DLG2: variants seen among roughly 807,000 people sequenced by gnomAD.
The protein encoded by DLG2 is disks large homolog 2.
In DLG2, 45 loss-of-function variants were observed where a neutral mutation model predicts 132.5. The ratio of observed to expected loss-of-function variants is 0.34; its 90% confidence interval spans 0.27 to 0.44. The LOEUF (loss-of-function observed/expected upper bound fraction) is 0.44, where lower values mean the gene tolerates loss of function less well. DLG2 is among the 20% of genes least tolerant of loss of function. The pLI is 1.00. For missense variants in DLG2, 1,045 were observed against 1,196.9 expected (o/e 0.87, Z 1.87); for synonymous variants, 424 against 419.6 (o/e 1.01, Z -0.13).
intron 21 of DLG2, among the ~76,000 whole-genome samples, chr11:83,526,703 A>T (rs948229119): frequency 6.6e-6 from 1 of 152,200 alleles, no homozygotes; most frequent in Non-Finnish European, 1.5e-5. Context: ...CTAACTTTCC[A>T]GTTCTGATTC....
chr11:85,369,878 A>T (rs997049614), intron 3 of DLG2, among the ~76,000 whole-genome samples: 1 of 152,224 alleles, frequency 6.6e-6, no homozygotes, highest in South Asian at 2.1e-4. Flanking sequence ...AGTATTTTTT[A>T]AAAAGGGAAG....
At chr11:84,018,079 T>A (rs913748780) in intron 11 of DLG2, among the ~76,000 whole-genome samples, 1 of 152,020 alleles carries the variant, frequency 6.6e-6, no homozygotes, top group African/African-American at 2.4e-5. Context: ...ATCTGTATGT[T>A]AACGTTTTTG....
intron 6 of DLG2, among the ~76,000 whole-genome samples, chr11:84,725,919 G>A (rs768132973): frequency 1.3e-5 from 2 of 151,694 alleles, no homozygotes; most frequent in Non-Finnish European, 2.9e-5. Flanking sequence ...TCTTTATACT[G>A]AACAATTCTA....
chr11:84,708,383 A>C (rs2060000118), intron 6 of DLG2, among the ~76,000 whole-genome samples: 1 of 151,924 alleles, frequency 6.6e-6, no homozygotes, highest in Admixed American at 6.6e-5. Context: ...TAAGTTCTGT[A>C]CACAGCAAGC....
At chr11:83,719,218 T>C (rs1047671126) in intron 18 of DLG2, among the ~76,000 whole-genome samples, 7 of 152,090 alleles carry the variant, frequency 4.6e-5, no homozygotes, top group Non-Finnish European at 7.4e-5. Context: ...ATGGATGCAG[T>C]GTTAGAGGAC....
At chr11:84,526,101 T>C (rs2099319797) in intron 7 of DLG2, among the ~76,000 whole-genome samples, 1 of 152,180 alleles carries the variant, frequency 6.6e-6, no homozygotes, top group Non-Finnish European at 1.5e-5. Flanking sequence ...AACCAAAATA[T>C]AATTTTATAT....
chr11:84,751,046 T>C (rs1333046463), intron 6 of DLG2, among the ~76,000 whole-genome samples: 2 of 152,032 alleles, frequency 1.3e-5, no homozygotes, highest in African/African-American at 2.4e-5. Context: ...AAAAAAAGAA[T>C]GGAGTAGATA....
intron 10 of DLG2, among the ~76,000 whole-genome samples, chr11:84,070,855 T>G (rs2096745788): frequency 6.6e-6 from 1 of 152,210 alleles, no homozygotes; most frequent in South Asian, 2.1e-4. Flanking sequence ...CAACCCAGCC[T>G]GGCACCTATC....
intron 6 of DLG2, among the ~76,000 whole-genome samples, chr11:84,649,496 C>A (rs1336649354): frequency 6.6e-6 from 1 of 152,014 alleles, no homozygotes; most frequent in East Asian, 1.9e-4. Context: ...ACAAAGAAAC[C>A]CAAAGGTTTG....
chr11:85,341,095 G>A (rs1235668913), intron 3 of DLG2, among the ~76,000 whole-genome samples: 1 of 133,610 alleles, frequency 7.5e-6, no homozygotes, highest in African/African-American at 2.8e-5. Context: ...AAATTTTGTG[G>A]CTTTTTCTTG....
chr11:85,122,657 T>A (rs1202110387), intron 5 of DLG2, among the ~76,000 whole-genome samples: 1 of 151,978 alleles, frequency 6.6e-6, no homozygotes, highest in Non-Finnish European at 1.5e-5. Context: ...CAGATTCTGA[T>A]TCAGTAGTTT....
intron 7 of DLG2, among the ~76,000 whole-genome samples, chr11:84,419,155 A>G (rs1246819589): frequency 2.0e-5 from 3 of 149,038 alleles, no homozygotes; most frequent in African/African-American, 7.8e-5. Context: ...GAGGGGAGGA[A>G]TAGGGAGACA....
intron 7 of DLG2, among the ~76,000 whole-genome samples, chr11:84,365,887 C>T (rs2154425665): frequency 6.6e-6 from 1 of 152,160 alleles, no homozygotes; most frequent in East Asian, 1.9e-4. Flanking sequence ...GGAAAACACT[C>T]TGCAGGATAT....
At chr11:84,417,760 GT>G (rs936699889) in intron 7 of DLG2, among the ~76,000 whole-genome samples, 59 of 151,966 alleles carry the variant, frequency 3.9e-4, no homozygotes, top group African/African-American at 6.0e-4. Context: ...ATGAAGACGT[GT>G]TTTTTTTCCC....
At chr11:84,537,180 C>T (rs1457104406) in intron 6 of DLG2, among the ~76,000 whole-genome samples, 1 of 152,126 alleles carries the variant, frequency 6.6e-6, no homozygotes, top group Admixed American at 6.5e-5. Context: ...GATCTCAGCT[C>T]ACTGCAACCT....
intron 7 of DLG2, among the ~76,000 whole-genome samples, chr11:84,424,469 C>A (rs1382655624): frequency 6.6e-6 from 1 of 151,884 alleles, no homozygotes; most frequent in Non-Finnish European, 1.5e-5. Context: ...TTAGGTAATA[C>A]CTGTTATTCA....
At chr11:83,542,845 A>T (rs2096120548) in intron 19 of DLG2, among the ~76,000 whole-genome samples, 1 of 152,174 alleles carries the variant, frequency 6.6e-6, no homozygotes. Context: ...AGAGAAGCAG[A>T]TTTCACTACC....
At chr11:84,793,881 G>C (rs1372936783) in intron 6 of DLG2, among the ~76,000 whole-genome samples, 2 of 152,128 alleles carry the variant, frequency 1.3e-5, no homozygotes, top group South Asian at 2.1e-4. Flanking sequence ...GGAAAGCTTA[G>C]TTCATTTATC....
chr11:85,216,910 G>C (rs538118596), intron 4 of DLG2, among the ~76,000 whole-genome samples: 4 of 152,058 alleles, frequency 2.6e-5, no homozygotes, highest in Admixed American at 6.6e-5. Context: ...TGGCCAGGCT[G>C]GTCTTGAACT....
Sources: allele counts gnomAD v4.1 joint callset (sites outside exome capture counted in the v4.1 genomes callset), GRCh38; gene constraint gnomAD v4.1.1; transcripts MANE v1.5; gene names NCBI Gene and HGNC (gene_info 2026-07-23, HGNC 2026-07-21).